The following TMEM201 variants were observed in gnomAD, a reference collection of about 807,000 sequenced individuals.
The protein encoded by TMEM201 is transmembrane protein 201.
TMEM201 carries 26 observed loss-of-function variants against 63.4 expected under a neutral mutation model. That is an observed-to-expected ratio of 0.41 (90% CI 0.30 to 0.57). The LOEUF is 0.57. Ranked by LOEUF, TMEM201 falls within the 20% of genes least tolerant of loss-of-function variation. The pLI, the probability that TMEM201 is intolerant of heterozygous loss-of-function variation, is 0.29. For synonymous variants in TMEM201, 417 were observed against 421.6 expected (o/e 0.99, Z 0.14); for missense variants, 794 against 917.7 (o/e 0.87, Z 1.74).
chr1:9,590,720 C>G (rs947535599), intron 1 of TMEM201, among the ~76,000 whole-genome samples: 2 of 152,128 alleles, frequency 1.3e-5, no homozygotes, highest in Non-Finnish European at 1.5e-5. Context: ...TTGATTGGGC[C>G]GAGAAGGGCC....
chr1:9,601,082 C>A, intron 4 of TMEM201, 23 bp from the exon 5 acceptor site: 2 of 1,561,548 alleles, frequency 1.3e-6, no homozygotes, highest in Non-Finnish European at 1.7e-6. Context: ...TCTCACTAAC[C>A]CGCCTCTCTT....
intron 7 of TMEM201, among the ~76,000 whole-genome samples, chr1:9,609,097 GC>G (rs1644286162): frequency 6.6e-6 from 1 of 152,210 alleles, no homozygotes; most frequent in Non-Finnish European, 1.5e-5. Context: ...GTGTCCTGCA[GC>G]CCATGCCCAG....
intron 10 of TMEM201, 150 bp downstream of exon 10, chr1:9,612,040 A>G: frequency 2.2e-6 from 2 of 896,672 alleles, no homozygotes; most frequent in Admixed American, 6.0e-5. Flanking sequence ...GGCGCCTCTG[A>G]ATCCAGGGTC....
chr1:9,598,049 C>T (rs548574517), intron 3 of TMEM201, among the ~76,000 whole-genome samples: 64 of 152,302 alleles, frequency 4.2e-4, no homozygotes, highest in African/African-American at 1.5e-3. Context: ...GAAGGGCAAG[C>T]GCCACAGTCG....
Position 9,598,630 on chromosome 1 carries a change from G to GA in TMEM201, c.606+6dup. 1 of 1,610,954 alleles carries GA rather than the reference G, an allele frequency of 6.2e-7. No individual in the cohort carries two copies. The highest frequency in any genetic ancestry group is 2.2e-5 in the East Asian group (1 of 44,794). ...GCCGACCAGACCCACGCACAGGTGA[G>GA]AGGCGGCATCCACAGGGCGGGGGTG... On this transcript the variant is annotated splice_donor_region_variant and intron_variant, in intron 4 of 10. Transcript: ENST00000340381.
chr1:9,601,421 G>C lies in TMEM201; in HGVS notation c.923G>C (p.Cys308Ser), dbSNP rs769967319. 6 of 1,595,166 alleles carry C rather than the reference G, an allele frequency of 3.8e-6. No individual in the cohort carries two copies. The highest frequency in any genetic ancestry group is 1.7e-4 in the Middle Eastern group (1 of 6,006). The part of the protein sequence containing the change: ...TGVVALGLLT[C>S]LLAMLLAGRI... ...GTCGTGGCACTGGGCCTACTCACCT[G>C]CCTGCTGGCAATGCTGCTGGCTGGC... Residue 308 changes from cysteine to serine, a missense_variant, in exon 5 of 11, where the codon TGC (cysteine) becomes TCC (serine). By Grantham distance (112) the Cys-to-Ser change is moderately radical (BLOSUM62 -1). Transcript: ENST00000340381.
rs1310228007 is a variant in TMEM201, at chr1:9,608,240, C to T, written c.1393+451C>T. Among the ~76,000 whole-genome samples, 1 of 152,000 alleles carries T rather than the reference C, an allele frequency of 6.6e-6. No homozygotes were observed. Among genetic ancestry groups the T allele is most frequent in the Non-Finnish European group, 1.5e-5 (1 of 67,996 alleles). On this transcript the variant is annotated intron_variant, in intron 7 of 10. Transcript: ENST00000340381. This position sits in a 1 kb window ranked among gnomAD's most constrained non-coding sequence, Gnocchi z 4.3. Reference sequence around the variant, plus strand: ...GCAACAGAGCAAGACCCTGTCTCAACAAAAATAAAAATAAAGTGCCCAGAA... The same window carrying T: ...GCAACAGAGCAAGACCCTGTCTCAATAAAAATAAAAATAAAGTGCCCAGAA...
intron 5 of TMEM201, 115 bp from the exon 6 acceptor site, chr1:9,601,954 C>A: frequency 7.8e-7 from 1 of 1,283,204 alleles, no homozygotes; most frequent in South Asian, 1.5e-5. Context: ...CACACTGTCC[C>A]CTGGCTCTGG....
intron 1 of TMEM201, among the ~76,000 whole-genome samples, chr1:9,592,503 G>A (rs931685636): frequency 6.6e-6 from 1 of 152,160 alleles, no homozygotes; most frequent in Non-Finnish European, 1.5e-5. Context: ...GCCCCATCCA[G>A]TGCCCCCTCT....
chr1:9,605,065 GT>G lies in TMEM201; in HGVS notation c.1161-2489del. 3.1e-6 allele frequency: 3 copies of G among 974,986 alleles called. No individual in the cohort carries two copies. The highest frequency in any genetic ancestry group is 3.7e-6 in the Non-Finnish European group (3 of 820,218). 60.4% of individuals were successfully genotyped at this position (974,986 alleles called of 1,614,324 possible). A position where few individuals can be genotyped will look rare whatever the true frequency, so the allele number is the denominator to read the frequency against. On this transcript the variant is annotated intron_variant, in intron 6 of 10. Coordinates refer to ENST00000340381, the MANE Select transcript of TMEM201 (RefSeq NM_001130924.3). This position sits in a 1 kb window ranked among gnomAD's most constrained non-coding sequence, Gnocchi z 5.7. ...GTACAGACACGTCCACAGGAGTCAG[GT>G]TTGGGAGCCAGTGACAATGACACCA...
At chr1:9,593,078 G>C (rs951694777) in intron 1 of TMEM201, among the ~76,000 whole-genome samples, 3 of 152,224 alleles carry the variant, frequency 2.0e-5, no homozygotes, top group African/African-American at 7.2e-5. Flanking sequence ...TGGGCTGAGG[G>C]GTTTATCAGG....
At chr1:9,593,591 T>G (rs1027047367) in intron 1 of TMEM201, among the ~76,000 whole-genome samples, 2 of 152,162 alleles carry the variant, frequency 1.3e-5, no homozygotes, top group African/African-American at 4.8e-5. Flanking sequence ...GTGGAGCCAT[T>G]TCCCTAGCAA....
chr1:9,599,530 C>T (rs764175178), intron 4 of TMEM201, among the ~76,000 whole-genome samples: 2 of 152,250 alleles, frequency 1.3e-5, no homozygotes, highest in Non-Finnish European at 2.9e-5. Flanking sequence ...GCTGGGATTA[C>T]AGGCCTGAGC....
chr1:9,601,073 C>G (rs909612720), intron 4 of TMEM201, 32 bp from the exon 5 acceptor site: 1 of 1,550,384 alleles, frequency 6.5e-7, no homozygotes, highest in Non-Finnish European at 8.8e-7. Context: ...CTGTGGCCGT[C>G]TCACTAACCC....
At position 9,604,929 on chromosome 1, in the gene TMEM201, G is replaced by A; in HGVS notation, c.1161-2628G>A. 2.0e-6 allele frequency: 2 copies of A among 985,912 alleles called. No individual in the cohort carries two copies. The highest frequency in any genetic ancestry group is 2.4e-6 in the Non-Finnish European group (2 of 829,976). 61.1% of individuals were successfully genotyped at this position (985,912 alleles called of 1,614,324 possible). On this transcript the variant is annotated intron_variant, in intron 6 of 10. Transcript: ENST00000340381. The surrounding 1 kb of genome is among the most constrained non-coding windows in gnomAD (Gnocchi z 4.1). Reference sequence around the variant, plus strand: ...TTTGGATGCTGTGTTTTCAATAAATGCCTCTGGGGCCCTGCTTTTACCCGC... The same window carrying A: ...TTTGGATGCTGTGTTTTCAATAAATACCTCTGGGGCCCTGCTTTTACCCGC...
At position 9,609,922 on chromosome 1, in the gene TMEM201, C is replaced by G; in HGVS notation, c.1465+11C>G. ...AGTTTCCTGTTTCAGGTGAGGAAGACAGAGAGCTAAGTGGGGGACGGGGCA... is the reference window on the plus strand; with the variant it reads ...AGTTTCCTGTTTCAGGTGAGGAAGAGAGAGAGCTAAGTGGGGGACGGGGCA... On this transcript the variant is annotated intron_variant, in intron 8 of 10. Coordinates refer to ENST00000340381, the MANE Select transcript of TMEM201 (RefSeq NM_001130924.3). 1 of 1,551,164 alleles carries G rather than the reference C, an allele frequency of 6.4e-7. No homozygotes were observed. Among genetic ancestry groups the G allele is most frequent in the Non-Finnish European group, 8.7e-7 (1 of 1,146,762 alleles).
chr1:9,595,350 GCT>G (rs1440814426), intron 1 of TMEM201, among the ~76,000 whole-genome samples: 2 of 152,190 alleles, frequency 1.3e-5, no homozygotes, highest in African/African-American at 2.4e-5. Context: ...AGCCTCCTTG[GCT>G]CTCACATCCT....
intron 3 of TMEM201, 64 bp downstream of exon 3, chr1:9,597,117 G>T (rs975735032): frequency 7.2e-6 from 11 of 1,529,662 alleles, no homozygotes; most frequent in East Asian, 2.3e-5. Context: ...GCAGCCGGGG[G>T]ACAGGCACGT....
chr1:9,600,957 C>G, intron 4 of TMEM201, 148 bp from the exon 5 acceptor site: 1 of 639,798 alleles, frequency 1.6e-6, no homozygotes, highest in South Asian at 2.1e-5. Flanking sequence ...TGAGGCGGGC[C>G]GGTGGAACTG....
Sources: allele counts gnomAD v4.1 joint callset (sites outside exome capture counted in the v4.1 genomes callset), GRCh38; gene constraint gnomAD v4.1.1; non-coding constraint Gnocchi (gnomAD v3.1); transcripts MANE v1.5; gene names NCBI Gene and HGNC (gene_info 2026-07-23, HGNC 2026-07-21).